Variants in C2CD2 observed in about 807,000 individuals in gnomAD.
C2CD2 encodes the protein C2 calcium dependent domain containing 2, also known as C2 domain-containing protein 2.
C2CD2 carries 43 observed loss-of-function variants against 74.3 expected under a neutral mutation model. The ratio of observed to expected loss-of-function variants is 0.58; its 90% CI spans 0.45 to 0.75. The LOEUF (loss-of-function observed/expected upper bound fraction) is 0.75, where lower values mean the gene tolerates loss of function less well. Ranked by LOEUF, C2CD2 falls within the 30% of genes least tolerant of loss-of-function variation. The pLI is 0.00. For synonymous variants in C2CD2, 422 were observed against 390.7 expected, an observed-to-expected ratio of 1.08 and a Z score of -0.94; for missense variants, 801 against 916.3, an observed-to-expected ratio of 0.87 and a Z score of 1.63.
chr21:41,917,029 G>A (rs1455480968), intron 5 of C2CD2, among the ~76,000 whole-genome samples: 1 of 152,168 alleles, frequency 6.6e-6, no homozygotes, highest in Non-Finnish European at 1.5e-5. Context: ...ATTTGGAGAG[G>A]CTGAGTGCCC....
chr21:41,936,614 G>A (rs543446089), intron 2 of C2CD2, among the ~76,000 whole-genome samples: 2 of 152,114 alleles, frequency 1.3e-5, no homozygotes, highest in African/African-American at 2.4e-5. Flanking sequence ...CTTGAACAAC[G>A]TGGGTTTCAA....
intron 1 of C2CD2, among the ~76,000 whole-genome samples, chr21:41,946,239 A>G (rs2065396574): frequency 6.6e-6 from 1 of 152,204 alleles, no homozygotes; most frequent in Admixed American, 6.5e-5. Flanking sequence ...GCATCTCCCC[A>G]CACTACCTGT....
chr21:41,946,256 C>T (rs1349698850), intron 1 of C2CD2, among the ~76,000 whole-genome samples: 1 of 152,232 alleles, frequency 6.6e-6, no homozygotes, highest in Middle Eastern at 3.2e-3. Context: ...CTGTTAACTA[C>T]AGCAGGAAAG....
At chr21:41,891,806 C>T (rs992293097) in intron 13 of C2CD2, among the ~76,000 whole-genome samples, 5 of 152,056 alleles carry the variant, frequency 3.3e-5, no homozygotes, top group East Asian at 1.9e-4. Flanking sequence ...AACGCCAACC[C>T]ACCCCCTGGG....
In C2CD2 at chr21:41,920,855, C is replaced by T. The variant is rs538751383; in HGVS notation, c.492+1117G>A. ...TCTTCATTTGTGTTTGTGATCCTCT[C>T]TGGTCTCATTCAGTTCCAAAACATG... On this transcript the variant is annotated intron_variant, in intron 3 of 13. Coordinates refer to ENST00000380486, the MANE Select transcript of C2CD2 (RefSeq NM_015500.2). 3.9e-5 allele frequency among the ~76,000 whole-genome samples: 6 copies of T among 152,384 alleles called. No individual in the cohort carries two copies. The South Asian group carries it at 1.0e-3, about 26-fold the overall frequency.
Position 41,907,031 on chromosome 21 carries a change from G to T in C2CD2, c.1279C>A (p.Pro427Thr). 1 of 1,614,054 alleles carries T rather than the reference G, an allele frequency of 6.2e-7. No homozygotes were observed. Among genetic ancestry groups the T allele is most frequent in the East Asian group, 2.2e-5 (1 of 44,886 alleles). Residue 427 changes from proline to threonine, a missense_variant, in exon 10 of 14, where the codon CCT becomes ACT. Coordinates refer to ENST00000380486, the MANE Select transcript of C2CD2 (RefSeq NM_015500.2). Reference sequence around the variant, plus strand: ...GACGCCCTCCCCACGTCGACGCGAGGCTTGGTCTTCACAGCAGTGACAGTA... The same window carrying T: ...GACGCCCTCCCCACGTCGACGCGAGTCTTGGTCTTCACAGCAGTGACAGTA... ...VTTVTAVKTK[P>T]RVDVGRASPL...
At chr21:41,921,485 T>C (rs2065153288) in intron 3 of C2CD2, among the ~76,000 whole-genome samples, 1 of 152,244 alleles carries the variant, frequency 6.6e-6, no homozygotes, top group African/African-American at 2.4e-5. Context: ...CTTATGTCTA[T>C]TATGAAAACA....
intron 2 of C2CD2, among the ~76,000 whole-genome samples, chr21:41,922,338 T>C (rs748526083): frequency 3.3e-4 from 50 of 152,116 alleles, no homozygotes; most frequent in Non-Finnish European, 6.0e-4. Context: ...TTTGTTTTTG[T>C]CTTTTTTGTA....
At chr21:41,897,825 C>T (rs1028139107) in intron 13 of C2CD2, among the ~76,000 whole-genome samples, 1 of 152,174 alleles carries the variant, frequency 6.6e-6, no homozygotes, top group Non-Finnish European at 1.5e-5. Flanking sequence ...TGGGCTTTGG[C>T]ACCAGGGACA....
chr21:41,929,514 A>T lies in C2CD2; in HGVS notation c.379-7429T>A, dbSNP rs2065245127. 6.6e-6 allele frequency among the ~76,000 whole-genome samples: 1 copy of T among 152,242 alleles called. No individual in the cohort carries two copies. The highest frequency in any genetic ancestry group is 2.4e-5 in the African/African-American group (1 of 41,470). On this transcript the variant is annotated intron_variant, in intron 2 of 13. Coordinates refer to ENST00000380486, the MANE Select transcript of C2CD2 (RefSeq NM_015500.2). This position sits in a 1 kb window ranked among gnomAD's most constrained non-coding sequence, Gnocchi z 4.6. ...GAGAAAGAAGGAAGTGCCCTAAACG[A>T]GCCCAGATCCAATCAGGGTCTCCCT... is the stretch of plus-strand genomic sequence containing the variant.
At position 41,932,306 on chromosome 21, in the gene C2CD2, G is replaced by A. The variant is rs780267062; in HGVS notation, c.378+9841C>T. ...CCTCCGCCCGCCTAAGCATCCCTTC[G>A]ATGTGGCCGATCCTGAGTCATATCC... On this transcript the variant is annotated intron_variant, in intron 2 of 13. Coordinates refer to ENST00000380486, the MANE Select transcript of C2CD2 (RefSeq NM_015500.2). Among the ~76,000 whole-genome samples, 11 of 150,030 alleles carry A rather than the reference G, an allele frequency of 7.3e-5. 1 individual carries two copies. Among genetic ancestry groups the A allele is most frequent in the Non-Finnish European group, 1.0e-4 (7 of 66,962 alleles).
intron 12 of C2CD2, 137 bp downstream of exon 12, chr21:41,901,485 G>T: frequency 1.1e-6 from 1 of 883,576 alleles, no homozygotes; most frequent in Non-Finnish European, 1.9e-6. Flanking sequence ...GTGGGGTGAG[G>T]AACATAATTT....
chr21:41,916,971 G>A (rs1040185763), intron 5 of C2CD2, among the ~76,000 whole-genome samples: 4 of 152,172 alleles, frequency 2.6e-5, no homozygotes, highest in African/African-American at 9.7e-5. Flanking sequence ...AAGGGACAGC[G>A]CTGGGACTCT....
Position 41,892,636 on chromosome 21 carries a change from G to C in C2CD2, c.1871-3292C>G, listed in dbSNP as rs1454170415. Among the ~76,000 whole-genome samples the C allele has an allele frequency of 6.6e-6, 1 of 151,878 alleles. No homozygotes were observed. Among genetic ancestry groups the C allele is most frequent in the East Asian group, 1.9e-4 (1 of 5,160 alleles). On this transcript the variant is annotated intron_variant, in intron 13 of 13. Coordinates refer to ENST00000380486, the MANE Select transcript of C2CD2 (RefSeq NM_015500.2). The surrounding 1 kb of genome is among the most constrained non-coding windows in gnomAD (Gnocchi z 4.6). Reference sequence around the variant, plus strand: ...CCTTCCTGGAGAATCTGGCATGATGGGGGTCTGGGGACACTGGGCATGAGC... The same window carrying C: ...CCTTCCTGGAGAATCTGGCATGATGCGGGTCTGGGGACACTGGGCATGAGC...
At chr21:41,901,439 A>G (rs771508309) in intron 12 of C2CD2, 183 bp downstream of exon 12, 17 of 684,812 alleles carry the variant, frequency 2.5e-5, no homozygotes, top group Non-Finnish European at 3.2e-5. Flanking sequence ...TGAATAGGAT[A>G]AACTGTGTAA....
At chr21:41,915,516 A>C (rs2065079625) in intron 5 of C2CD2, among the ~76,000 whole-genome samples, 1 of 151,516 alleles carries the variant, frequency 6.6e-6, no homozygotes, top group African/African-American at 2.4e-5. Flanking sequence ...AGTTCACTGC[A>C]ACCTCTGCCT....
chr21:41,946,714 C>A (rs1035644946), intron 1 of C2CD2, among the ~76,000 whole-genome samples: 2 of 152,194 alleles, frequency 1.3e-5, no homozygotes, highest in Non-Finnish European at 2.9e-5. Flanking sequence ...ATGACCCCAG[C>A]AGAAGTCACC....
chr21:41,941,656 T>TA (rs1308627867), intron 2 of C2CD2, among the ~76,000 whole-genome samples: 2 of 152,208 alleles, frequency 1.3e-5, no homozygotes, highest in Admixed American at 6.5e-5. Context: ...TCAATGGTTT[T>TA]AAATATATTC....
At chr21:41,890,482 T>A (rs1290505441) in intron 13 of C2CD2, among the ~76,000 whole-genome samples, 1 of 152,232 alleles carries the variant, frequency 6.6e-6, no homozygotes, top group Non-Finnish European at 1.5e-5. Flanking sequence ...TTTTCACAGA[T>A]TAGTTTAACA....
Sources: allele counts gnomAD v4.1 joint callset (sites outside exome capture counted in the v4.1 genomes callset), GRCh38; gene constraint gnomAD v4.1.1; non-coding constraint Gnocchi (gnomAD v3.1); transcripts MANE v1.5; gene names NCBI Gene and HGNC (gene_info 2026-07-23, HGNC 2026-07-21).